Variants in UACA observed in about 807,000 individuals in gnomAD.
UACA encodes the protein nuclear membrane binding protein.
In UACA, 112 loss-of-function variants were observed where a neutral mutation model predicts 160.5. The observed-to-expected ratio is 0.70, with a 90% CI of 0.60 to 0.82. The LOEUF is 0.82. Among genes scored for constraint, UACA ranks in the 40% least tolerant of loss-of-function variants. The pLI is 0.00. For missense variants in UACA, 1,574 were observed against 1,614.6 expected (o/e 0.97, Z 0.43); for synonymous variants, 557 against 568.4 (o/e 0.98, Z 0.29).
intron 17 of UACA, among the ~76,000 whole-genome samples, chr15:70,663,841 G>GT (rs1323495920): frequency 2.2e-5 from 3 of 136,198 alleles, no homozygotes; most frequent in Non-Finnish European, 4.7e-5. Flanking sequence ...GACACAGGAA[G>GT]GGGAACATCA....
At chr15:70,723,870 G>C (rs888221146) in intron 1 of UACA, among the ~76,000 whole-genome samples, 3 of 152,076 alleles carry the variant, frequency 2.0e-5, no homozygotes, top group Admixed American at 2.0e-4. Flanking sequence ...CTGACCTCAT[G>C]ATCCACCCGC....
intron 3 of UACA, among the ~76,000 whole-genome samples, chr15:70,693,238 G>A (rs758535061): frequency 3.9e-5 from 6 of 152,070 alleles, no homozygotes; most frequent in Non-Finnish European, 5.9e-5. Context: ...CAGGGATAAG[G>A]AAATATCAAA....
At chr15:70,709,691 T>C (rs1364216330) in intron 1 of UACA, among the ~76,000 whole-genome samples, 1 of 152,184 alleles carries the variant, frequency 6.6e-6, no homozygotes, top group African/African-American at 2.4e-5. Context: ...TACTGAATAT[T>C]AATTTATTCA....
At position 70,740,624 on chromosome 15, in the gene UACA, C is replaced by T. The variant is rs561888346; in HGVS notation, c.78+22706G>A. ...CTGCACTCCAGCCTGGGTGACAAAG[C>T]AAGACCCTGTCTCAAAAAAAAAAAA... On this transcript the variant is annotated intron_variant, in intron 1 of 18. Transcript: ENST00000322954. Among the ~76,000 whole-genome samples the T allele has an allele frequency of 7.4e-5, 7 of 94,830 alleles. No homozygotes were observed. In the East Asian group the frequency reaches 2.0e-3, roughly 27 times the overall value. 62.2% of individuals were successfully genotyped at this position (94,830 alleles called of 152,430 possible).
At chr15:70,743,326 T>C in intron 1 of UACA, among the ~76,000 whole-genome samples, 1 of 152,346 alleles carries the variant, frequency 6.6e-6, no homozygotes, top group South Asian at 2.1e-4. Context: ...AGTAACTTAA[T>C]TACATCTGCA....
chr15:70,766,504 T>G (rs2031012536), upstream of UACA, among the ~76,000 whole-genome samples: 1 of 152,194 alleles, frequency 6.6e-6, no homozygotes, highest in Non-Finnish European at 1.5e-5. Context: ...AATGCATTTT[T>G]TAAAATTACT....
intron 1 of UACA, among the ~76,000 whole-genome samples, chr15:70,723,144 ATTAGAGTTAGGG>A (rs1283857402): frequency 6.6e-6 from 1 of 152,176 alleles, no homozygotes; most frequent in Non-Finnish European, 1.5e-5. Context: ...TTCATTTGTT[ATTAGAGTTAGGG>A]TTAATATATG....
upstream of UACA, among the ~76,000 whole-genome samples, chr15:70,764,571 C>CT (rs904514423): frequency 7.2e-5 from 11 of 152,140 alleles, no homozygotes; most frequent in Non-Finnish European, 1.5e-4. Flanking sequence ...ACAAAGGACT[C>CT]TTTTTTGTCT....
chr15:70,747,097 TG>T (rs1327211463), intron 1 of UACA, among the ~76,000 whole-genome samples: 1 of 152,180 alleles, frequency 6.6e-6, no homozygotes, highest in Non-Finnish European at 1.5e-5. Flanking sequence ...CTGTACGTTC[TG>T]CACATGTATC....
intron 1 of UACA, among the ~76,000 whole-genome samples, chr15:70,756,698 C>A (rs1255738104): frequency 6.6e-6 from 1 of 152,082 alleles, no homozygotes; most frequent in African/African-American, 2.4e-5. Flanking sequence ...CATGGCAAAA[C>A]CCTGTCTCTA....
intron 1 of UACA, among the ~76,000 whole-genome samples, chr15:70,747,892 C>A (rs1899760234): frequency 6.6e-6 from 1 of 152,092 alleles, no homozygotes; most frequent in Admixed American, 6.5e-5. Flanking sequence ...CAGAGAAACA[C>A]TAATCCTATC....
At chr15:70,684,804 A>G (rs531264442) in intron 7 of UACA, among the ~76,000 whole-genome samples, 1 of 152,284 alleles carries the variant, frequency 6.6e-6, no homozygotes, top group East Asian at 1.9e-4. Flanking sequence ...CCTGTTACAG[A>G]TATAGATTTT....
chr15:70,750,674 GC>G (rs1307763214), intron 1 of UACA, among the ~76,000 whole-genome samples: 2 of 152,186 alleles, frequency 1.3e-5, no homozygotes, highest in African/African-American at 4.8e-5. Context: ...TTCGAGACCA[GC>G]CTGGGCAACA....
At chr15:70,742,105 A>C (rs910229088) in intron 1 of UACA, among the ~76,000 whole-genome samples, 1 of 152,240 alleles carries the variant, frequency 6.6e-6, no homozygotes, top group Non-Finnish European at 1.5e-5. Context: ...CTCAATGTGC[A>C]TACAAAAAAA....
chr15:70,720,111 C>A (rs1898945674), intron 1 of UACA, among the ~76,000 whole-genome samples: 1 of 152,048 alleles, frequency 6.6e-6, no homozygotes. Context: ...GCATGCAGCA[C>A]CTCCCCTCTT....
chr15:70,664,560 G>T, intron 17 of UACA, 102 bp downstream of exon 17: 2 of 1,363,664 alleles, frequency 1.5e-6, no homozygotes, highest in South Asian at 3.5e-5. Context: ...TCTTGGATCC[G>T]AACATAGCTA....
Position 70,695,053 on chromosome 15 carries a change from T to G in UACA, c.265A>C (p.Ile89Leu). The change falls in exon 3 of 19, where the codon ATA (isoleucine) becomes CTA (leucine). Residue 89 changes from isoleucine (I) to leucine (L), a missense_variant. By Grantham distance (5) the Ile-to-Leu change is conservative. Coordinates refer to ENST00000322954, the MANE Select transcript of UACA (RefSeq NM_018003.4). ...CTGGTTGTAATATCAACTCCATGTA[T>G]AAGGATGGCATTCAAACACTCAAGA... ...GNLECLNAILIHGVDITTSDT... is the reference protein window; with the variant it reads ...GNLECLNAILLHGVDITTSDT... 4 of 1,610,934 alleles carry G rather than the reference T, an allele frequency of 2.5e-6. No homozygotes were observed. The highest frequency in any genetic ancestry group is 3.4e-6 in the Non-Finnish European group (4 of 1,178,290).
Position 70,699,522 on chromosome 15 carries a change from C to T in UACA, c.212+5G>A. The T allele has an allele frequency of 6.2e-7, 1 of 1,611,326 alleles. No individual in the cohort carries two copies. Among genetic ancestry groups the T allele is most frequent in the Non-Finnish European group, 8.5e-7 (1 of 1,179,096 alleles). On this transcript the variant is annotated splice_donor_5th_base_variant and intron_variant, in intron 2 of 18. Coordinates refer to ENST00000322954, the MANE Select transcript of UACA (RefSeq NM_018003.4). ...AGACATGCTTTTATCATCAATAATA[C>T]TTACACAGATCTGCCTTCCACATCT... is the stretch of plus-strand genomic sequence containing the variant.
At chr15:70,709,390 C>A (rs1486915586) in intron 1 of UACA, among the ~76,000 whole-genome samples, 1 of 152,160 alleles carries the variant, frequency 6.6e-6, no homozygotes, top group East Asian at 1.9e-4. Context: ...CCTGGTAGAT[C>A]TAACTGGATA....
Sources: allele counts gnomAD v4.1 joint callset (sites outside exome capture counted in the v4.1 genomes callset), GRCh38; gene constraint gnomAD v4.1.1; transcripts MANE v1.5; gene names NCBI Gene and HGNC (gene_info 2026-07-23, HGNC 2026-07-21).